NRG1: variants seen among roughly 807,000 people sequenced by gnomAD.
NRG1 encodes pro-neuregulin-1, membrane-bound isoform.
Under a neutral mutation model 63.8 loss-of-function variants are expected in NRG1, and 18 were observed. The ratio of observed to expected loss-of-function variants is 0.28; its 90% CI spans 0.19 to 0.42. The LOEUF is 0.42. NRG1 is among the 10% of genes least tolerant of loss of function. The pLI is 1.00. For synonymous variants in NRG1, 302 were observed against 301.3 expected (o/e 1.00, Z -0.02); for missense variants, 762 against 814.7 (o/e 0.94, Z 0.79).
At chr8:32,221,185 T>G (rs1226762105) in intron 1 of NRG1, 1 of 152,170 alleles carries the variant, frequency 6.6e-6, no homozygotes, top group Non-Finnish European at 1.5e-5. Context: ...TCATTATAAT[T>G]GTTGCTTCTG....
chr8:32,103,921 ACAGGGAGGATTTTATCC>A (rs2131380589), intron 1 of NRG1, among the ~76,000 whole-genome samples: 1 of 152,268 alleles, frequency 6.6e-6, no homozygotes, highest in African/African-American at 2.4e-5. Flanking sequence ...TACCAGGCTT[ACAGGGAGGATTTTATCC>A]AAAGAATTCA....
intron 1 of NRG1, among the ~76,000 whole-genome samples, chr8:31,825,309 A>G (rs1824434914): frequency 6.6e-6 from 1 of 151,190 alleles, no homozygotes; most frequent in South Asian, 2.1e-4. Flanking sequence ...AATGGCATGA[A>G]CCCGGGAGGC....
At chr8:32,392,892 G>C (rs924401738) in intron 1 of NRG1, among the ~76,000 whole-genome samples, 1 of 112,566 alleles carries the variant, frequency 8.9e-6, no homozygotes, top group African/African-American at 3.5e-5. Context: ...TCAAGTGGAG[G>C]GGTAGAGAGA....
intron 1 of NRG1, among the ~76,000 whole-genome samples, chr8:31,824,592 GA>G (rs1172130641): frequency 6.6e-6 from 1 of 152,182 alleles, no homozygotes; most frequent in African/African-American, 2.4e-5. Flanking sequence ...ATAAATGGAA[GA>G]AATGGCTTTA....
intron 1 of NRG1, among the ~76,000 whole-genome samples, chr8:32,364,957 CTTT>C (rs372216683): frequency 9.2e-5 from 10 of 108,424 alleles, no homozygotes; most frequent in Non-Finnish European, 1.1e-4. Context: ...CCCTTTACTA[CTTT>C]TTTTTTTTTT....
At chr8:32,386,061 G>A (rs534596328) in intron 1 of NRG1, among the ~76,000 whole-genome samples, 5 of 152,188 alleles carry the variant, frequency 3.3e-5, no homozygotes, top group African/African-American at 7.2e-5. Flanking sequence ...TGCTGTCATA[G>A]GTCTTTAGAT....
At position 32,689,775 on chromosome 8, in the gene NRG1, C is replaced by T. The variant is rs375505598; in HGVS notation, c.503-38174C>T. ...CATTTACCTACTAGCTGATTCACAT[C>T]GTTTTCATAACCAAAATATAGCTCA... On this transcript the variant is annotated intron_variant, in intron 5 of 11. Transcript: ENST00000356819. Among the ~76,000 whole-genome samples the T allele has an allele frequency of 9.9e-5, 15 of 152,148 alleles. No homozygotes were observed. The South Asian group carries it at 2.3e-3, about 23-fold the overall frequency.
chr8:32,545,826 G>A (rs776710123), upstream of NRG1, among the ~76,000 whole-genome samples: 2 of 152,122 alleles, frequency 1.3e-5, no homozygotes, highest in Admixed American at 6.5e-5. Context: ...AATGTAACTC[G>A]AGAATCTGGA....
intron 1 of NRG1, among the ~76,000 whole-genome samples, chr8:32,425,084 C>T (rs1166216055): frequency 6.6e-6 from 1 of 152,150 alleles, no homozygotes; most frequent in African/African-American, 2.4e-5. Flanking sequence ...TACTATATAT[C>T]AGTAGCATTT....
chr8:32,118,962 C>T (rs1249742318), intron 1 of NRG1, among the ~76,000 whole-genome samples: 1 of 152,108 alleles, frequency 6.6e-6, no homozygotes, highest in African/African-American at 2.4e-5. Context: ...AAAGGGCAAA[C>T]AGCTTCTTGT....
chr8:32,318,710 ATGT>A (rs1038604684), intron 1 of NRG1, among the ~76,000 whole-genome samples: 1 of 152,174 alleles, frequency 6.6e-6, no homozygotes, highest in African/African-American at 2.4e-5. Context: ...CTTTGAAAAT[ATGT>A]TATTTGTTGA....
chr8:32,259,590 G>A (rs1850133560), intron 1 of NRG1, among the ~76,000 whole-genome samples: 1 of 152,076 alleles, frequency 6.6e-6, no homozygotes, highest in African/African-American at 2.4e-5. Flanking sequence ...AAACAGACAA[G>A]ACATAAAGGA....
intron 1 of NRG1, among the ~76,000 whole-genome samples, chr8:32,356,855 A>T (rs1300117673): frequency 1.3e-5 from 2 of 151,942 alleles, no homozygotes; most frequent in Non-Finnish European, 2.9e-5. Flanking sequence ...ACCTTCACAG[A>T]AGCACACTCT....
At chr8:32,557,869 C>A (rs1010385860) in intron 1 of NRG1, among the ~76,000 whole-genome samples, 5 of 152,176 alleles carry the variant, frequency 3.3e-5, no homozygotes, top group Non-Finnish European at 5.9e-5. Context: ...AAATGGGAGA[C>A]TTATGTCTTG....
chr8:32,276,691 G>A (rs1306451344), intron 1 of NRG1, among the ~76,000 whole-genome samples: 1 of 152,110 alleles, frequency 6.6e-6, no homozygotes, highest in Non-Finnish European at 1.5e-5. Context: ...TTTTGTAGAG[G>A]AAGGTTCTCC....
intron 1 of NRG1, among the ~76,000 whole-genome samples, chr8:31,802,056 G>A (rs1389105027): frequency 1.3e-5 from 2 of 152,298 alleles, no homozygotes; most frequent in Middle Eastern, 3.4e-3. Flanking sequence ...ATTAAACAGT[G>A]TCAATTATTT....
At chr8:31,693,139 T>G (rs1313926394) in intron 1 of NRG1, among the ~76,000 whole-genome samples, 2 of 152,230 alleles carry the variant, frequency 1.3e-5, no homozygotes, top group East Asian at 3.9e-4. Context: ...GCTATCTTGC[T>G]GCATTTAGGG....
At chr8:31,949,574 T>C (rs1488792312) in intron 1 of NRG1, among the ~76,000 whole-genome samples, 1 of 152,220 alleles carries the variant, frequency 6.6e-6, no homozygotes, top group African/African-American at 2.4e-5. Context: ...TTGTACCACA[T>C]ATTCCTGTGT....
At chr8:31,985,036 C>G (rs914203588) in intron 1 of NRG1, among the ~76,000 whole-genome samples, 16 of 152,020 alleles carry the variant, frequency 1.1e-4, no homozygotes, top group African/African-American at 3.9e-4. Flanking sequence ...TCACTTTTCT[C>G]TATTAAAAGG....
Sources: allele counts gnomAD v4.1 joint callset (sites outside exome capture counted in the v4.1 genomes callset), GRCh38; gene constraint gnomAD v4.1.1; transcripts MANE v1.5; gene names NCBI Gene and HGNC (gene_info 2026-07-23, HGNC 2026-07-21).